The following VWA3B variants were observed in gnomAD, a reference collection of about 807,000 sequenced individuals.
VWA3B encodes von Willebrand factor A domain containing 3B.
VWA3B carries 138 observed loss-of-function variants against 158.3 expected under a neutral mutation model. The observed-to-expected ratio is 0.87, with a 90% CI of 0.76 to 1.00. The LOEUF (loss-of-function observed/expected upper bound fraction) is 1.00, where lower values mean the gene tolerates loss of function less well. Among genes scored for constraint, VWA3B ranks in the 50% least tolerant of loss-of-function variants. The pLI, the probability that VWA3B is intolerant of heterozygous loss-of-function variation, is 0.00. For synonymous variants in VWA3B, 596 were observed against 587.3 expected (o/e 1.01, Z -0.21); for missense variants, 1,555 against 1,565.1 (o/e 0.99, Z 0.11).
chr2:98,135,244 C>A (rs1676171063), intron 7 of VWA3B, among the ~76,000 whole-genome samples: 1 of 149,612 alleles, frequency 6.7e-6, no homozygotes, highest in African/African-American at 2.4e-5. Flanking sequence ...AAGGGAAATA[C>A]AAACTGCATA....
intron 8 of VWA3B, chr2:98,179,205 T>A (rs1022219527): frequency 1.1e-5 from 5 of 470,910 alleles, no homozygotes; most frequent in Non-Finnish European, 2.2e-5. Context: ...TCCTCACCCC[T>A]CCTTTGTGTC....
At chr2:98,127,007 G>A (rs868312241) in intron 5 of VWA3B, among the ~76,000 whole-genome samples, 2 of 146,618 alleles carry the variant, frequency 1.4e-5, no homozygotes, top group Non-Finnish European at 3.0e-5. Flanking sequence ...TTAAGGCCTC[G>A]GATAGATACT....
intron 7 of VWA3B, among the ~76,000 whole-genome samples, chr2:98,149,028 T>G (rs1052237945): frequency 6.6e-6 from 1 of 152,260 alleles, no homozygotes; most frequent in Non-Finnish European, 1.5e-5. Flanking sequence ...CAAGGCACAC[T>G]ATTTTTCTCA....
chr2:98,282,838 C>T (rs899142751), intron 22 of VWA3B, among the ~76,000 whole-genome samples: 4 of 152,138 alleles, frequency 2.6e-5, no homozygotes, highest in African/African-American at 9.7e-5. Flanking sequence ...ATACTTGTAA[C>T]CATTTAGAAA....
chr2:98,096,218 T>A (rs569959171), intron 2 of VWA3B, among the ~76,000 whole-genome samples: 1 of 152,286 alleles, frequency 6.6e-6, no homozygotes, highest in African/African-American at 2.4e-5. Flanking sequence ...TTTAAATGTT[T>A]GGTAGAATTC....
chr2:98,239,466 C>G (rs1421394181), intron 19 of VWA3B, among the ~76,000 whole-genome samples: 1 of 151,542 alleles, frequency 6.6e-6, no homozygotes, highest in East Asian at 1.9e-4. Flanking sequence ...TTCCCCTTCC[C>G]TCCCTTTTTT....
At chr2:98,271,808 G>A (rs1355932910) in intron 22 of VWA3B, among the ~76,000 whole-genome samples, 5 of 152,158 alleles carry the variant, frequency 3.3e-5, no homozygotes, top group African/African-American at 1.2e-4. Context: ...AATACACATG[G>A]CCAGTGTGAA....
intron 7 of VWA3B, among the ~76,000 whole-genome samples, chr2:98,136,973 T>C (rs957692760): frequency 1.3e-5 from 2 of 152,254 alleles, no homozygotes; most frequent in African/African-American, 4.8e-5. Context: ...TTGTAATATG[T>C]CAGAATTTCC....
chr2:98,181,235 A>G, intron 9 of VWA3B, 23 bp downstream of exon 9: 2 of 1,608,888 alleles, frequency 1.2e-6, no homozygotes, highest in Non-Finnish European at 1.7e-6. Flanking sequence ...CACTCCTGGG[A>G]GGGGCTGGGG....
chr2:98,248,285 AT>A (rs1558723386), intron 19 of VWA3B, among the ~76,000 whole-genome samples: 1 of 152,086 alleles, frequency 6.6e-6, no homozygotes, highest in Non-Finnish European at 1.5e-5. Flanking sequence ...TGACATTCTG[AT>A]TGTTAATTTG....
intron 7 of VWA3B, among the ~76,000 whole-genome samples, chr2:98,154,624 G>A (rs974919529): frequency 6.6e-6 from 1 of 152,168 alleles, no homozygotes; most frequent in African/African-American, 2.4e-5. Flanking sequence ...GCAGGGGTGG[G>A]CTCAGCCCAG....
rs148674526 is a variant in VWA3B, at chr2:98,239,055, C to T, written c.2673+2325C>T. 3.1e-3 allele frequency among the ~76,000 whole-genome samples: 466 copies of T among 152,246 alleles called. 3 individuals carry two copies. Among genetic ancestry groups the T allele is most frequent in the African/African-American group, 0.01 (434 of 41,544 alleles). On this transcript the variant is annotated intron_variant, in intron 19 of 27. Transcript: ENST00000477737. ...CACCGATAAACAGTAATGGCAATGA[C>T]AGGGTGGGATGGACACTTATATCCT...
At chr2:98,321,975 A>G in the VWA3B span, among the ~76,000 whole-genome samples, 1 of 152,092 alleles carries the variant, frequency 6.6e-6, no homozygotes, top group East Asian at 1.9e-4. Flanking sequence ...TGTTCTTGTG[A>G]TAGGGATAAG....
chr2:98,168,539 A>G lies in VWA3B; in HGVS notation c.1114+5563A>G, dbSNP rs115388863. Among the ~76,000 whole-genome samples the G allele has an allele frequency of 1.4e-3, 206 of 152,318 alleles. 2 individuals are homozygous for G. The highest frequency in any genetic ancestry group is 4.7e-3 in the African/African-American group (197 of 41,572). On this transcript the variant is annotated intron_variant, in intron 8 of 27. Coordinates refer to ENST00000477737, the MANE Select transcript of VWA3B (RefSeq NM_144992.5). The stretch of plus-strand genomic sequence containing the variant: ...TAGCCATTCAGCTTTCTTAACTTCA[A>G]GAAAGATATTTAAAAAGACGCATAC...
At chr2:98,148,435 T>C (rs571764069) in intron 7 of VWA3B, among the ~76,000 whole-genome samples, 2 of 152,366 alleles carry the variant, frequency 1.3e-5, no homozygotes, top group Admixed American at 1.3e-4. Flanking sequence ...TCACATTGTG[T>C]GAACAGTCTT....
intron 9 of VWA3B, among the ~76,000 whole-genome samples, chr2:98,187,207 C>T (rs568581336): frequency 3.3e-5 from 5 of 152,278 alleles, no homozygotes; most frequent in African/African-American, 9.6e-5. Context: ...GCTCTTCCTC[C>T]TTGCCTTCCT....
chr2:98,136,602 CAA>C (rs540145824), intron 7 of VWA3B, among the ~76,000 whole-genome samples: 27 of 125,292 alleles, frequency 2.2e-4, no homozygotes, highest in South Asian at 2.6e-4. Context: ...ATGAAAGGGC[CAA>C]AAAAAAAAAA....
intron 6 of VWA3B, 46 bp from the exon 7 acceptor site, chr2:98,133,778 G>A: frequency 6.4e-7 from 1 of 1,551,976 alleles, no homozygotes; most frequent in Non-Finnish European, 8.9e-7. Context: ...AGCATGCACG[G>A]ACACCTGCGT....
intron 5 of VWA3B, 103 bp from the exon 6 acceptor site, chr2:98,128,136 A>T: frequency 7.0e-7 from 1 of 1,423,682 alleles, no homozygotes; most frequent in Non-Finnish European, 9.6e-7. Flanking sequence ...CTTTCTGCCC[A>T]TTTTTTCTAA....
Sources: gnomAD v4.1 joint callset for allele counts (sites outside exome capture counted in the v4.1 genomes callset) on GRCh38, gnomAD v4.1.1 for gene constraint, MANE v1.5 for transcripts, NCBI Gene and HGNC (gene_info 2026-07-23, HGNC 2026-07-21) for gene names.